GRM8: variants seen among roughly 807,000 people sequenced by gnomAD.
GRM8 encodes glutamate metabotropic receptor 8.
In GRM8, 47 loss-of-function variants were observed where a neutral mutation model predicts 87.2. The ratio of observed to expected loss-of-function variants is 0.54; its 90% CI spans 0.43 to 0.69. The LOEUF (loss-of-function observed/expected upper bound fraction) is 0.69, where lower values mean the gene tolerates loss of function less well. Among genes scored for constraint, GRM8 ranks in the 30% least tolerant of loss-of-function variants. The pLI is 0.00. For synonymous variants in GRM8, 396 were observed against 404.5 expected, an observed-to-expected ratio of 0.98 and a Z score of 0.25; for missense variants, 1,019 against 1,139.2, an observed-to-expected ratio of 0.89 and a Z score of 1.52.
chr7:126,647,293 G>GGATAGATA lies in GRM8; in HGVS notation c.1358-37803_1358-37796dup, dbSNP rs58263801. The stretch of plus-strand genomic sequence containing the variant: ...GATCTTGCTCTCTACATAAATAGAT[G>GGATAGATA]GATAGATAGATAGATAGATAGATAG... On this transcript the variant is annotated intron_variant, in intron 7 of 10. Transcript: ENST00000339582. Among the ~76,000 whole-genome samples the GGATAGATA allele has an allele frequency of 3.2e-3, 454 of 143,172 alleles. 1 individual carries two copies. Among genetic ancestry groups the GGATAGATA allele is most frequent in the East Asian group, 7.6e-3 (37 of 4,838 alleles). 93.9% of individuals were successfully genotyped at this position (143,172 alleles called of 152,430 possible). A position where few individuals can be genotyped will look rare whatever the true frequency, so the allele number is the denominator to read the frequency against.
intron 3 of GRM8, among the ~76,000 whole-genome samples, chr7:126,922,135 A>G (rs756382414): frequency 8.5e-5 from 13 of 152,232 alleles, no homozygotes; most frequent in Non-Finnish European, 1.6e-4. Context: ...TAAGTTATAT[A>G]GAAATCTAAG....
chr7:126,650,203 T>C (rs759099148), intron 7 of GRM8, among the ~76,000 whole-genome samples: 1 of 152,150 alleles, frequency 6.6e-6, no homozygotes, highest in Non-Finnish European at 1.5e-5. Flanking sequence ...AAGTAGTATA[T>C]ATGTGATTGG....
At chr7:126,908,784 G>A (rs940825811) in intron 3 of GRM8, among the ~76,000 whole-genome samples, 9 of 152,076 alleles carry the variant, frequency 5.9e-5, no homozygotes, top group African/African-American at 2.2e-4. Flanking sequence ...CTTTCAACCT[G>A]GTCAGTTTGA....
intron 9 of GRM8, among the ~76,000 whole-genome samples, chr7:126,515,315 TTTAAGA>T (rs1490219325): frequency 6.6e-6 from 1 of 152,090 alleles, no homozygotes; most frequent in African/African-American, 2.4e-5. Flanking sequence ...TTGAAAAATG[TTTAAGA>T]TTAAACACAT....
rs575575617 is a variant in GRM8, at chr7:126,976,926, C to T, written c.728-72243G>A. On this transcript the variant is annotated intron_variant, in intron 3 of 10. Coordinates refer to ENST00000339582, the MANE Select transcript of GRM8 (RefSeq NM_000845.3). ...ATTTTTTTTTTTTTACAGATTTTAC[C>T]TTGATTTAGTTGCATAATGAATGCA... Among the ~76,000 whole-genome samples, 49 of 150,566 alleles carry T rather than the reference C, an allele frequency of 3.3e-4. 1 individual carries two copies. In the South Asian group the frequency reaches 4.8e-3, roughly 15 times the overall value.
At chr7:127,176,516 C>T (rs550294327) in intron 2 of GRM8, among the ~76,000 whole-genome samples, 144 of 152,264 alleles carry the variant, frequency 9.5e-4, no homozygotes, top group Non-Finnish European at 6.9e-4. Context: ...GAGACAGCAA[C>T]GTACAGAAGC....
chr7:126,604,340 T>C (rs986693644), intron 8 of GRM8, among the ~76,000 whole-genome samples: 6 of 152,112 alleles, frequency 3.9e-5, no homozygotes, highest in African/African-American at 9.7e-5. Flanking sequence ...CAAGTTATCA[T>C]GGTGCATATA....
At chr7:126,528,614 TTGTGTGTGTGTG>T (rs59437677) in intron 9 of GRM8, among the ~76,000 whole-genome samples, 9 of 149,206 alleles carry the variant, frequency 6.0e-5, no homozygotes, top group South Asian at 4.3e-4. Context: ...ACAAAAGAAG[TTGTGTGTGTGTG>T]TGTGTGTGTG....
At chr7:126,642,645 A>AT (rs1802530879) in intron 7 of GRM8, among the ~76,000 whole-genome samples, 1 of 143,952 alleles carries the variant, frequency 6.9e-6, no homozygotes, top group Non-Finnish European at 1.6e-5. Context: ...ATCTAAAAAA[A>AT]ATAATAATAA....
At chr7:126,613,669 A>G (rs958439838) in intron 7 of GRM8, among the ~76,000 whole-genome samples, 2 of 152,070 alleles carry the variant, frequency 1.3e-5, no homozygotes, top group African/African-American at 4.8e-5. Flanking sequence ...AAATCAGGTC[A>G]CTCCCACCTT....
intron 6 of GRM8, among the ~76,000 whole-genome samples, chr7:126,805,242 A>G (rs1427485866): frequency 1.3e-5 from 2 of 152,148 alleles, no homozygotes; most frequent in Non-Finnish European, 2.9e-5. Context: ...AAAAAAGCCA[A>G]AAATGATCCC....
intron 8 of GRM8, among the ~76,000 whole-genome samples, chr7:126,557,890 A>C (rs1189250128): frequency 6.6e-6 from 1 of 152,172 alleles, no homozygotes; most frequent in Non-Finnish European, 1.5e-5. Flanking sequence ...AAGTAATATA[A>C]AGATGTACTT....
chr7:126,980,502 C>T (rs1017614196), intron 3 of GRM8, among the ~76,000 whole-genome samples: 1 of 152,180 alleles, frequency 6.6e-6, no homozygotes, highest in Non-Finnish European at 1.5e-5. Flanking sequence ...AGTTTCTTCA[C>T]CTTTGTTTCT....
chr7:126,569,315 A>T (rs1794500944), intron 8 of GRM8, among the ~76,000 whole-genome samples: 1 of 152,234 alleles, frequency 6.6e-6, no homozygotes, highest in South Asian at 2.1e-4. Context: ...CAAAAGTGCC[A>T]CATAACTATT....
intron 7 of GRM8, among the ~76,000 whole-genome samples, chr7:126,655,697 G>A (rs1006029735): frequency 2.0e-5 from 3 of 152,072 alleles, no homozygotes; most frequent in Non-Finnish European, 2.9e-5. Flanking sequence ...CAGTATTATT[G>A]TTTTAATTTA....
chr7:127,191,228 T>C lies in GRM8; in HGVS notation c.510+51467A>G, dbSNP rs145740062. Among the ~76,000 whole-genome samples, 1,360 of 152,270 alleles carry C rather than the reference T, an allele frequency of 8.9e-3. 9 individuals carry two copies. Among genetic ancestry groups the C allele is most frequent in the Non-Finnish European group, 0.014 (969 of 68,010 alleles). On this transcript the variant is annotated intron_variant, in intron 2 of 10. Transcript: ENST00000339582. ...GGGCCAAGACTAAATAACTCTGCAA[T>C]ATCAGAAGAAGCGTCACATTGAAAG...
chr7:126,967,903 T>G (rs1264224210), intron 3 of GRM8, among the ~76,000 whole-genome samples: 2 of 152,206 alleles, frequency 1.3e-5, no homozygotes, highest in Non-Finnish European at 2.9e-5. Flanking sequence ...AAAGTAGGTT[T>G]TGAGGAAACT....
chr7:126,518,719 T>C (rs1812535109), intron 9 of GRM8, among the ~76,000 whole-genome samples: 1 of 152,100 alleles, frequency 6.6e-6, no homozygotes, highest in Non-Finnish European at 1.5e-5. Flanking sequence ...TGAATATGCA[T>C]AATAATCTTC....
intron 3 of GRM8, among the ~76,000 whole-genome samples, chr7:127,001,326 G>A (rs1242327320): frequency 6.6e-6 from 1 of 151,494 alleles, no homozygotes; most frequent in African/African-American, 2.4e-5. Flanking sequence ...ACCCAAAAGT[G>A]ATAAATTATA....
Sources: gnomAD v4.1 joint callset for allele counts (sites outside exome capture counted in the v4.1 genomes callset) on GRCh38, gnomAD v4.1.1 for gene constraint, MANE v1.5 for transcripts, NCBI Gene and HGNC (gene_info 2026-07-23, HGNC 2026-07-21) for gene names.